Variants in PDLIM5 observed in about 807,000 individuals in gnomAD.
The protein encoded by PDLIM5 is PDZ and LIM domain protein 5.
Under a neutral mutation model 64.2 loss-of-function variants are expected in PDLIM5, and 34 were observed. That is an observed-to-expected ratio of 0.53 (90% confidence interval 0.40 to 0.71). The LOEUF is 0.71. Ranked by LOEUF, PDLIM5 falls within the 30% of genes least tolerant of loss-of-function variation. The pLI, the probability that PDLIM5 is intolerant of heterozygous loss-of-function variation, is 0.00. For synonymous variants in PDLIM5, 253 were observed against 269.1 expected, an observed-to-expected ratio of 0.94 and a Z score of 0.59; for missense variants, 683 against 733.6, an observed-to-expected ratio of 0.93 and a Z score of 0.80.
rs1375724544 is a variant in PDLIM5, at chr4:94,516,967, A to G, written c.97-6757A>G. On this transcript the variant is annotated intron_variant, in intron 2 of 12. Transcript: ENST00000317968. ...AACAACAAGTAGTGCAGGACAGAAC[A>G]ATGTTAAATGCTGAAGTGTGATATT... Among the ~76,000 whole-genome samples, 4 of 152,350 alleles carry G rather than the reference A, an allele frequency of 2.6e-5. No individual in the cohort carries two copies. The South Asian group carries it at 8.3e-4, about 32-fold the overall frequency.
intron 11 of PDLIM5, among the ~76,000 whole-genome samples, chr4:94,661,335 G>A (rs749450044): frequency 6.6e-6 from 1 of 152,086 alleles, no homozygotes; most frequent in African/African-American, 2.4e-5. Flanking sequence ...GGAGGCTGCG[G>A]TGAACTATGA....
intron 2 of PDLIM5, among the ~76,000 whole-genome samples, chr4:94,500,068 G>C (rs1727777258): frequency 6.6e-6 from 1 of 152,112 alleles, no homozygotes; most frequent in Non-Finnish European, 1.5e-5. Context: ...GGGGGTCTTG[G>C]AACCAATCCC....
chr4:94,569,316 C>T (rs796400685), intron 3 of PDLIM5, among the ~76,000 whole-genome samples: 9 of 138,662 alleles, frequency 6.5e-5, no homozygotes, highest in African/African-American at 2.1e-4. Flanking sequence ...TTTACCCCTT[C>T]GTTTGTTTGT....
intron 2 of PDLIM5, among the ~76,000 whole-genome samples, chr4:94,495,639 G>A (rs1248155049): frequency 6.6e-6 from 1 of 152,156 alleles, no homozygotes; most frequent in Non-Finnish European, 1.5e-5. Context: ...ATGGTAAGAA[G>A]ATCATGATGC....
At chr4:94,560,733 G>A (rs1733762510) in intron 3 of PDLIM5, among the ~76,000 whole-genome samples, 1 of 152,014 alleles carries the variant, frequency 6.6e-6, no homozygotes, top group Admixed American at 6.6e-5. Flanking sequence ...TGTTTGTTTT[G>A]TTTTGTTTTG....
intron 7 of PDLIM5, among the ~76,000 whole-genome samples, chr4:94,605,863 C>CT (rs76186683): frequency 7.9e-4 from 112 of 141,934 alleles, no homozygotes; most frequent in African/African-American, 1.3e-3. Context: ...ACTCCCTTTT[C>CT]TTTTTTTTTT....
intron 7 of PDLIM5, chr4:94,587,253 G>A: frequency 7.5e-7 from 1 of 1,339,088 alleles, no homozygotes; most frequent in South Asian, 1.8e-5. Context: ...AACATGTTTT[G>A]TGCTAGTTGG....
At chr4:94,659,528 GTGTGTGTGTGTA>G (rs1220916701) in intron 11 of PDLIM5, among the ~76,000 whole-genome samples, 2 of 149,126 alleles carry the variant, frequency 1.3e-5, no homozygotes, top group East Asian at 2.1e-4. Context: ...GTGTGTGTGT[GTGTGTGTGTGTA>G]TTGTTTAGAC....
chr4:94,581,118 G>T (rs1224515100), intron 5 of PDLIM5, among the ~76,000 whole-genome samples: 1 of 152,100 alleles, frequency 6.6e-6, no homozygotes, highest in African/African-American at 2.4e-5. Flanking sequence ...ATTGCAGTTT[G>T]CCCAGGGCAT....
chr4:94,462,012 C>T (rs1381524331), intron 2 of PDLIM5, among the ~76,000 whole-genome samples: 7 of 152,098 alleles, frequency 4.6e-5, no homozygotes, highest in East Asian at 1.9e-4. Flanking sequence ...TACAAGCATT[C>T]GCCACCATGC....
chr4:94,458,657 G>A (rs1048404698), intron 2 of PDLIM5, among the ~76,000 whole-genome samples: 4 of 152,066 alleles, frequency 2.6e-5, no homozygotes, highest in African/African-American at 7.2e-5. Context: ...TTATAACACT[G>A]GAGCTCTGGT....
intron 5 of PDLIM5, among the ~76,000 whole-genome samples, chr4:94,577,621 A>T (rs1735406212): frequency 6.9e-6 from 1 of 145,622 alleles, no homozygotes; most frequent in Non-Finnish European, 1.5e-5. Flanking sequence ...TTATTTTAAG[A>T]CAATAGATTT....
intron 3 of PDLIM5, among the ~76,000 whole-genome samples, chr4:94,565,676 T>C (rs1423357451): frequency 6.6e-6 from 1 of 152,202 alleles, no homozygotes; most frequent in Non-Finnish European, 1.5e-5. Context: ...CCCATCCTGC[T>C]GAAAAATGAA....
chr4:94,633,794 GAA>G (rs1740341027), intron 8 of PDLIM5, among the ~76,000 whole-genome samples: 1 of 152,144 alleles, frequency 6.6e-6, no homozygotes, highest in South Asian at 2.1e-4. Context: ...AACTGCTGAG[GAA>G]TATTGGAACT....
rs1165911742 is a variant in PDLIM5, at chr4:94,667,755, A to G, written c.*3688A>G. 1 of 152,222 alleles carries G rather than the reference A, an allele frequency of 6.6e-6. No homozygotes were observed. The highest frequency in any genetic ancestry group is 2.1e-4 in the South Asian group (1 of 4,828). The allele number at this position is 152,222 out of a possible 1,614,324, so 9.4% of individuals were successfully genotyped here. ...TAACAGCTCAAATCTTCAAAATATTACTATAGCATTATGTTTAAAATAATC... is the reference window on the plus strand; with the variant it reads ...TAACAGCTCAAATCTTCAAAATATTGCTATAGCATTATGTTTAAAATAATC... On this transcript the variant is annotated 3_prime_UTR_variant, in exon 13 of 13. Coordinates refer to ENST00000317968, the MANE Select transcript of PDLIM5 (RefSeq NM_006457.5).
At chr4:94,529,237 C>T (rs1161321210) in intron 3 of PDLIM5, among the ~76,000 whole-genome samples, 2 of 152,130 alleles carry the variant, frequency 1.3e-5, no homozygotes, top group African/African-American at 4.8e-5. Context: ...GAGGAAGGAG[C>T]AGACCAGGTC....
At chr4:94,517,743 C>A (rs1225590481) in intron 2 of PDLIM5, among the ~76,000 whole-genome samples, 1 of 152,160 alleles carries the variant, frequency 6.6e-6, no homozygotes, top group East Asian at 1.9e-4. Context: ...TCCAAGCATT[C>A]CATATTTGTT....
chr4:94,619,547 G>A (rs1265662595), intron 8 of PDLIM5, among the ~76,000 whole-genome samples: 1 of 151,978 alleles, frequency 6.6e-6, no homozygotes, highest in Non-Finnish European at 1.5e-5. Flanking sequence ...GACTGAGGCA[G>A]GAGAATGGCA....
chr4:94,666,223 A>C lies in PDLIM5; in HGVS notation c.*2156A>C. The C allele has an allele frequency of 2.0e-6, 1 of 509,092 alleles. No homozygotes were observed. The highest frequency in any genetic ancestry group is 3.4e-6 in the Non-Finnish European group (1 of 291,090). The allele number at this position is 509,092 out of a possible 1,614,324, so 31.5% of individuals were successfully genotyped here. A position where few individuals can be genotyped will look rare whatever the true frequency, so the allele number is the denominator to read the frequency against. The stretch of plus-strand genomic sequence containing the variant: ...TAACCTCCCTAAGAACTTTCAAGGC[A>C]TCTGTCCTGAAAGCTGTTAATTTAT... On this transcript the variant is annotated 3_prime_UTR_variant, in exon 13 of 13. Transcript: ENST00000317968.
Sources: allele counts gnomAD v4.1 joint callset (sites outside exome capture counted in the v4.1 genomes callset), GRCh38; gene constraint gnomAD v4.1.1; transcripts MANE v1.5; gene names NCBI Gene and HGNC (gene_info 2026-07-23, HGNC 2026-07-21).